The following OTOF variants were observed in gnomAD, a reference collection of about 807,000 sequenced individuals.
OTOF encodes the protein fer-1-like family member 2.
In OTOF, 218 loss-of-function variants were observed where a neutral mutation model predicts 236.8. The ratio of observed to expected loss-of-function variants is 0.92; its 90% CI spans 0.82 to 1.03. OTOF has a LOEUF of 1.03. Ranked by LOEUF, OTOF falls within the 50% of genes least tolerant of loss-of-function variation. The pLI is 0.00. For missense variants in OTOF, 2,590 were observed against 2,694.4 expected, an observed-to-expected ratio of 0.96 and a Z score of 0.86; for synonymous variants, 1,041 against 1,072.5, an observed-to-expected ratio of 0.97 and a Z score of 0.57.
Position 26,503,764 on chromosome 2 carries a change from T to A in OTOF, c.583+8A>T. On this transcript the variant is annotated splice_region_variant and intron_variant, in intron 6 of 46. Coordinates refer to ENST00000272371, the MANE Select transcript of OTOF (RefSeq NM_194248.3). ...GGGGCTGCGGGGCTCACGCGGCACC[T>A]GTCCTACCTGGTCTTTGGGGCTCCT... is the stretch of plus-strand genomic sequence containing the variant. 3 of 1,612,528 alleles carry A rather than the reference T, an allele frequency of 1.9e-6. No homozygotes were observed. Among genetic ancestry groups the A allele is most frequent in the Non-Finnish European group, 2.5e-6 (3 of 1,178,630 alleles).
intron 1 of OTOF, among the ~76,000 whole-genome samples, chr2:26,547,731 C>T (rs924572531): frequency 5.9e-5 from 9 of 152,148 alleles, no homozygotes; most frequent in African/African-American, 2.2e-4. Context: ...AGCTGCTCTA[C>T]TCGGGAGGCT....
At chr2:26,548,220 C>T (rs966135015) in intron 1 of OTOF, among the ~76,000 whole-genome samples, 1 of 151,852 alleles carries the variant, frequency 6.6e-6, no homozygotes, top group African/African-American at 2.4e-5. Context: ...TTTGAAGAAC[C>T]AACTTTTGGC....
chr2:26,476,087 C>T (rs575810140), intron 23 of OTOF, 41 bp downstream of exon 23: 1 of 1,611,728 alleles, frequency 6.2e-7, no homozygotes, highest in East Asian at 2.2e-5. Flanking sequence ...CCCCTCCGGC[C>T]CCCTCCCAGG....
chr2:26,477,883 T>C lies in OTOF; in HGVS notation c.2215-134A>G. 10 of 1,546,812 alleles carry C rather than the reference T, an allele frequency of 6.5e-6. No individual in the cohort carries two copies. Among genetic ancestry groups the C allele is most frequent in the South Asian group, 1.2e-5 (1 of 84,060 alleles). On this transcript the variant is annotated intron_variant, in intron 18 of 46. Transcript: ENST00000272371. The surrounding 1 kb of genome is among the most constrained non-coding windows in gnomAD (Gnocchi z 4.7). ...GCTCTCGCTAGGGCCATCCTGAGTATCGGTCATCATGAGGAAGTCATCAAT... is the reference window on the plus strand; with the variant it reads ...GCTCTCGCTAGGGCCATCCTGAGTACCGGTCATCATGAGGAAGTCATCAAT...
intron 1 of OTOF, among the ~76,000 whole-genome samples, chr2:26,557,853 G>A (rs1462209371): frequency 6.6e-6 from 1 of 151,622 alleles, no homozygotes; most frequent in Non-Finnish European, 1.5e-5. Context: ...TTGGGGCTGG[G>A]GCTGGGTTGT....
At position 26,476,976 on chromosome 2, in the gene OTOF, C is replaced by A. The variant is rs774822695; in HGVS notation, c.2591G>T (p.Arg864Leu). The change falls in exon 22 of 47, where the codon CGT (arginine) becomes CTT (leucine). Residue 864 changes from arginine (R) to leucine (L), a missense_variant. By Grantham distance (102) the Arg-to-Leu change is moderately radical. Transcript: ENST00000272371. ...MSNNKRVAYA[R>L]VPSKDLLFSI... ...GAAGAGCAGGTCCTTGGAGGGCACA[C>A]GGGCATAGGCGACACGCTTGTTGTT... 6.2e-7 allele frequency: 1 copy of A among 1,610,930 alleles called. No individual in the cohort carries two copies. Among genetic ancestry groups the A allele is most frequent in the African/African-American group, 1.3e-5 (1 of 74,874 alleles).
chr2:26,506,332 G>A (rs1666247139), intron 5 of OTOF, among the ~76,000 whole-genome samples: 1 of 152,200 alleles, frequency 6.6e-6, no homozygotes, highest in South Asian at 2.1e-4. Context: ...TGGAGTCCTT[G>A]GCCCTTCCGC....
At chr2:26,527,618 C>A (rs1406818350) in intron 3 of OTOF, among the ~76,000 whole-genome samples, 1 of 152,188 alleles carries the variant, frequency 6.6e-6, no homozygotes, top group African/African-American at 2.4e-5. Flanking sequence ...TGGCTGACAG[C>A]AGCTGGGAGA....
chr2:26,534,546 G>C (rs1667022704), intron 2 of OTOF, among the ~76,000 whole-genome samples: 1 of 152,200 alleles, frequency 6.6e-6, no homozygotes, highest in Non-Finnish European at 1.5e-5. Flanking sequence ...AAGCCCAGCT[G>C]CTGCAGCCCC....
chr2:26,467,317 T>A, intron 34 of OTOF, 48 bp downstream of exon 34: 1 of 1,613,616 alleles, frequency 6.2e-7, no homozygotes, highest in Admixed American at 1.7e-5. Context: ...TGCGCCCCCC[T>A]CTTCCCGCCC....
intron 1 of OTOF, among the ~76,000 whole-genome samples, chr2:26,539,386 C>T (rs1667156583): frequency 6.6e-6 from 1 of 152,168 alleles, no homozygotes; most frequent in Admixed American, 6.6e-5. Flanking sequence ...AATACCAAAA[C>T]CCAAACTATA....
intron 29 of OTOF, 151 bp downstream of exon 29, chr2:26,472,981 C>T: frequency 1.2e-6 from 1 of 865,376 alleles, no homozygotes; most frequent in Non-Finnish European, 1.8e-6. Flanking sequence ...CTTGGGCAGC[C>T]TTCCTTGGCC....
chr2:26,553,392 T>A (rs1202182343), intron 1 of OTOF, among the ~76,000 whole-genome samples: 1 of 152,084 alleles, frequency 6.6e-6, no homozygotes, highest in African/African-American at 2.4e-5. Context: ...ACAGGGGCAG[T>A]TTTTCAAGAC....
intron 1 of OTOF, among the ~76,000 whole-genome samples, chr2:26,540,659 C>T (rs1290647949): frequency 6.7e-6 from 1 of 148,724 alleles, no homozygotes. Context: ...CCGGGGGTGG[C>T]GGGGTCGTTG....
At chr2:26,506,036 C>T (rs1666239183) in intron 5 of OTOF, among the ~76,000 whole-genome samples, 1 of 152,184 alleles carries the variant, frequency 6.6e-6, no homozygotes. Context: ...GGGAAAGGAC[C>T]ACCCTGGCTG....
At chr2:26,503,968 C>T (rs1427211696) in intron 5 of OTOF, 123 bp from the exon 6 acceptor site, 1 of 843,002 alleles carries the variant, frequency 1.2e-6, no homozygotes, top group Non-Finnish European at 2.0e-6. Context: ...GGCCCCTCAC[C>T]TACTGGTCCC....
chr2:26,479,251 G>A lies in OTOF; in HGVS notation c.2214+13C>T. The A allele has an allele frequency of 1.2e-6, 2 of 1,612,192 alleles. No individual in the cohort carries two copies. The highest frequency in any genetic ancestry group is 1.7e-6 in the Non-Finnish European group (2 of 1,179,774). On this transcript the variant is annotated intron_variant, in intron 18 of 46. Transcript: ENST00000272371. ...AGGACCCCACCCCTGCTGGCCCCTG[G>A]CCTGGCCCTGACCAGCTTGTCGGCA...
Position 26,477,583 on chromosome 2 carries a change from C to G in OTOF, c.2315+66G>C. 1 of 1,602,554 alleles carries G rather than the reference C, an allele frequency of 6.2e-7. No individual in the cohort carries two copies. The highest frequency in any genetic ancestry group is 1.7e-4 in the Middle Eastern group (1 of 6,040). ...TAGATTCTTCCTCATCTGCCCAGCCCTGGCAGGGTCCCCTTTGTCCAGTTC... is the reference window on the plus strand; with the variant it reads ...TAGATTCTTCCTCATCTGCCCAGCCGTGGCAGGGTCCCCTTTGTCCAGTTC... On this transcript the variant is annotated intron_variant, in intron 19 of 46. Transcript: ENST00000272371. This position sits in a 1 kb window ranked among gnomAD's most constrained non-coding sequence, Gnocchi z 4.7.
Position 26,474,190 on chromosome 2 carries a change from C to G in OTOF, c.3289-80G>C, listed in dbSNP as rs983623816. 14 of 1,587,750 alleles carry G rather than the reference C, an allele frequency of 8.8e-6. No individual in the cohort carries two copies. The African/African-American group carries it at 1.5e-4, about 17-fold the overall frequency. On this transcript the variant is annotated intron_variant, in intron 26 of 46. Transcript: ENST00000272371. ...TTCCCCATGAGTTGTTTGCCATGAT[C>G]TGGGGAGACAGGGAAACCCCCTAAG...
Sources: gnomAD v4.1 joint callset for allele counts (sites outside exome capture counted in the v4.1 genomes callset) on GRCh38, gnomAD v4.1.1 for gene constraint, Gnocchi (gnomAD v3.1) non-coding constraint, MANE v1.5 for transcripts, NCBI Gene and HGNC (gene_info 2026-07-23, HGNC 2026-07-21) for gene names.